Variants in PODN observed in about 807,000 individuals in gnomAD.
PODN encodes the protein podocan, also known as podocan proteoglycan.
In PODN, 40 loss-of-function variants were observed where a neutral mutation model predicts 52.7. The observed-to-expected ratio is 0.76, with a 90% CI of 0.59 to 0.99. The LOEUF is 0.99. Ranked by LOEUF, PODN falls within the 50% of genes least tolerant of loss-of-function variation. The pLI is 0.00. For missense variants in PODN, 720 were observed against 815.1 expected, an observed-to-expected ratio of 0.88 and a Z score of 1.42; for synonymous variants, 396 against 377.9, an observed-to-expected ratio of 1.05 and a Z score of -0.56.
chr1:53,069,781 G>A lies in PODN; in HGVS notation c.-55-20G>A, dbSNP rs761268785. ...GTCATGACTTTCGAGGGCCCCAGCT[G>A]TGTCCACTGTACCTCACAGGTTCCG... On this transcript the variant is annotated intron_variant, in intron 1 of 10. Coordinates refer to ENST00000312553, the MANE Select transcript of PODN (RefSeq NM_153703.5). The A allele has an allele frequency of 6.4e-7, 1 of 1,561,746 alleles. No homozygotes were observed. The highest frequency in any genetic ancestry group is 8.7e-7 in the Non-Finnish European group (1 of 1,155,906).
chr1:53,075,843 C>A lies in PODN; in HGVS notation c.472-19C>A. On this transcript the variant is annotated intron_variant, in intron 4 of 10. Coordinates refer to ENST00000312553, the MANE Select transcript of PODN (RefSeq NM_153703.5). ...CTGCTCCTCCATTGCTCTTTCGGCC[C>A]CAACTCTTCCCTTCCCAGCTGACCT... 1.3e-6 allele frequency: 2 copies of A among 1,573,608 alleles called. No individual in the cohort carries two copies. Among genetic ancestry groups the A allele is most frequent in the East Asian group, 2.3e-5 (1 of 43,152 alleles).
At chr1:53,069,758 C>G in intron 1 of PODN, 43 bp from the exon 2 acceptor site, 1 of 1,529,588 alleles carries the variant, frequency 6.5e-7, no homozygotes, top group South Asian at 1.2e-5. Flanking sequence ...AGGGCCCCGT[C>G]ATGACTTTCG....
Position 53,082,431 on chromosome 1 carries a change from G to A in PODN, c.*27+243G>A, listed in dbSNP as rs190671723. On this transcript the variant is annotated intron_variant, in intron 10 of 10. Transcript: ENST00000312553. Reference sequence around the variant, plus strand: ...GAGGGTGCTGTCACGGGAGTGACCGGGGGGCACTGGACATGTGGGTCGGGG... The same window carrying A: ...GAGGGTGCTGTCACGGGAGTGACCGAGGGGCACTGGACATGTGGGTCGGGG... Among the ~76,000 whole-genome samples, 110 of 152,306 alleles carry A rather than the reference G, an allele frequency of 7.2e-4. 1 individual carries two copies. Among genetic ancestry groups the A allele is most frequent in the African/African-American group, 2.2e-3 (93 of 41,566 alleles).
Position 53,071,600 on chromosome 1 carries a change from C to A in PODN, c.378C>A (p.Asn126Lys). 1 of 1,613,846 alleles carries A rather than the reference C, an allele frequency of 6.2e-7. No homozygotes were observed. Among genetic ancestry groups the A allele is most frequent in the Non-Finnish European group, 8.5e-7 (1 of 1,179,960 alleles). The change falls in exon 3 of 11, where the codon AAC becomes AAA. Residue 126 changes from asparagine to lysine, a missense_variant. Physicochemically the swap from Asn to Lys is moderately conservative, Grantham distance 94. Coordinates refer to ENST00000312553, the MANE Select transcript of PODN (RefSeq NM_153703.5). The stretch of plus-strand genomic sequence containing the variant: ...GGCTGCACCGGCTGGAGACGCTGAA[C>A]CTGCAAAACAACCGCCTGACTTCCC... Reference protein sequence around the residue: ...LSRLHRLETLNLQNNRLTSRG... With the variant: ...LSRLHRLETLKLQNNRLTSRG...
intron 3 of PODN, among the ~76,000 whole-genome samples, chr1:53,071,832 A>C (rs1644123191): frequency 6.7e-6 from 1 of 150,368 alleles, no homozygotes; most frequent in South Asian, 2.1e-4. Context: ...TTGCCTGAAC[A>C]CTACACGGAT....
Position 53,070,153 on chromosome 1 carries a change from C to G in PODN, c.298C>G (p.His100Asp), listed in dbSNP as rs773094575. 5 of 1,609,112 alleles carry G rather than the reference C, an allele frequency of 3.1e-6. No homozygotes were observed. The South Asian group carries it at 5.5e-5, about 18-fold the overall frequency. Reference protein sequence around the residue: ...FPGDLPEHTNHLSLQNNQLEK... With the variant: ...FPGDLPEHTNDLSLQNNQLEK... ...GGGGGACCTGCCTGAGCACACCAAC[C>G]ACCTATCTCTGCAGGTGAGGTCGGC... Residue 100 changes from histidine to aspartate, a missense_variant, in exon 2 of 11, where the codon CAC becomes GAC. Coordinates refer to ENST00000312553, the MANE Select transcript of PODN (RefSeq NM_153703.5).
intron 8 of PODN, 28 bp from the exon 9 acceptor site, chr1:53,080,700 T>C: frequency 6.2e-7 from 1 of 1,608,320 alleles, no homozygotes; most frequent in Non-Finnish European, 8.5e-7. Context: ...CAGGTGGGAG[T>C]CCCTGACTCC....
rs369900858 is a variant in PODN at position 53,080,891 on chromosome 1, G to C, written c.1661+15G>C. The C allele has an allele frequency of 5.6e-6, 9 of 1,613,250 alleles. No homozygotes were observed. The African/African-American group carries it at 1.1e-4, about 19-fold the overall frequency. On this transcript the variant is annotated intron_variant, in intron 9 of 10. Transcript: ENST00000312553. ...ATCTTTCTCAGGTAGGAGCCCACTC[G>C]CGGCCCTGTACACACCCCCGTGGGG...
Position 53,078,657 on chromosome 1 carries a change from C to T in PODN, c.1147C>T (p.Arg383Cys), listed in dbSNP as rs368459369. ...RVPSGLPRRV[R>C]TLMILHNQIT... ...GCCCAGTGGCCTGCCTCGCCGCGTG[C>T]GCACCCTCATGATCCTGCACAACCA... Residue 383 changes from arginine to cysteine, a missense_variant, in exon 8 of 11, where the codon CGC (arginine) becomes TGC (cysteine). Physicochemically the swap from Arg to Cys is radical, Grantham distance 180. Coordinates refer to ENST00000312553, the MANE Select transcript of PODN (RefSeq NM_153703.5). 8.1e-6 allele frequency: 13 copies of T among 1,612,924 alleles called. No individual in the cohort carries two copies. The highest frequency in any genetic ancestry group is 2.2e-5 in the East Asian group (1 of 44,894).
rs976749477 is a variant in PODN, at chr1:53,062,350, G to C, written c.-56+42G>C. The C allele has an allele frequency of 1.5e-5, 18 of 1,217,820 alleles. No individual in the cohort carries two copies. The African/African-American group carries it at 2.4e-4, about 16-fold the overall frequency. 75.4% of individuals were successfully genotyped at this position (1,217,820 alleles called of 1,614,324 possible). A position where few individuals can be genotyped will look rare whatever the true frequency, so the allele number is the denominator to read the frequency against. The stretch of plus-strand genomic sequence containing the variant: ...GCCGGGGTGGGCCGAGGGGCCGGGG[G>C]CTGAGCCCGGGCAGCGCACTCAGAC... On this transcript the variant is annotated intron_variant, in intron 1 of 10. Coordinates refer to ENST00000312553, the MANE Select transcript of PODN (RefSeq NM_153703.5).
At chr1:53,069,161 T>C (rs1644073695) in intron 1 of PODN, among the ~76,000 whole-genome samples, 1 of 152,204 alleles carries the variant, frequency 6.6e-6, no homozygotes, top group Admixed American at 6.5e-5. Flanking sequence ...TGGGGAGCCC[T>C]GGGGCATCTC....
chr1:53,066,871 T>C (rs1644040415), intron 1 of PODN: 8 of 1,549,090 alleles, frequency 5.2e-6, no homozygotes, highest in African/African-American at 1.4e-5. Context: ...CTGCCTGGTA[T>C]GTGCACAGGA....
rs891150187 is a variant in PODN, at chr1:53,080,714, G to C, written c.1513-14G>C. On this transcript the variant is annotated splice_polypyrimidine_tract_variant and intron_variant, in intron 8 of 10. Transcript: ENST00000312553. ...ACAGGTGGGAGTCCCTGACTCCCTT[G>C]GTCACCCCTGCAGCTGCTGGACATC... The C allele has an allele frequency of 1.9e-6, 3 of 1,612,460 alleles. No homozygotes were observed. The highest frequency in any genetic ancestry group is 2.2e-5 in the East Asian group (1 of 44,860).
chr1:53,072,725 A>G lies in PODN; in HGVS notation c.406+1097A>G, dbSNP rs111231100. ...TCATCTGAACAGTTTAAGAAGGTGG[A>G]CATTTCAACACCATCAAGCGCATTC... On this transcript the variant is annotated intron_variant, in intron 3 of 10. Transcript: ENST00000312553. Among the ~76,000 whole-genome samples the G allele has an allele frequency of 7.9e-5, 12 of 152,334 alleles. 1 individual carries two copies. The highest frequency in any genetic ancestry group is 2.6e-4 in the African/African-American group (11 of 41,582).
At position 53,071,528 on chromosome 1, in the gene PODN, C is replaced by A; in HGVS notation, c.313-7C>A. ...TGCTGCTTCCTTGCGGCCCCCTACC[C>A]CCCTAGAACAACCAGCTGGAAAAGA... On this transcript the variant is annotated splice_region_variant and splice_polypyrimidine_tract_variant and intron_variant, in intron 2 of 10. Transcript: ENST00000312553. 6.2e-7 allele frequency: 1 copy of A among 1,612,300 alleles called. No individual in the cohort carries two copies. The highest frequency in any genetic ancestry group is 8.5e-7 in the Non-Finnish European group (1 of 1,178,900).
intron 10 of PODN, among the ~76,000 whole-genome samples, chr1:53,083,999 C>T (rs34163250): frequency 0.16 from 23,738 of 151,972 alleles, 1,971 homozygotes; most frequent in Middle Eastern, 0.2. Flanking sequence ...GGGTGGGTGA[C>T]AGAGGGAGCT....
At chr1:53,066,870 A>G (rs1451813817) in intron 1 of PODN, 2 of 1,548,308 alleles carry the variant, frequency 1.3e-6, no homozygotes, top group Admixed American at 3.9e-5. Flanking sequence ...CCTGCCTGGT[A>G]TGTGCACAGG....
chr1:53,083,190 T>C (rs1644319101), intron 10 of PODN, among the ~76,000 whole-genome samples: 1 of 152,094 alleles, frequency 6.6e-6, no homozygotes, highest in African/African-American at 2.4e-5. Context: ...TTTGAGAAGT[T>C]TGGCTGTGAG....
Position 53,078,179 on chromosome 1 carries a change from G to A in PODN, c.855-186G>A, listed in dbSNP as rs369129867. Among the ~76,000 whole-genome samples the A allele has an allele frequency of 2.8e-4, 43 of 152,272 alleles. No homozygotes were observed. In the East Asian group the frequency reaches 4.2e-3, roughly 15 times the overall value. ...AAACTCCTGTGTGTCAGAAAATGCC[G>A]GATCCTTCCTACACCAGAATATCAT... On this transcript the variant is annotated intron_variant, in intron 7 of 10. Coordinates refer to ENST00000312553, the MANE Select transcript of PODN (RefSeq NM_153703.5).
Sources: gnomAD v4.1 joint callset for allele counts (sites outside exome capture counted in the v4.1 genomes callset) on GRCh38, gnomAD v4.1.1 for gene constraint, MANE v1.5 for transcripts, NCBI Gene and HGNC (gene_info 2026-07-23, HGNC 2026-07-21) for gene names.